MSH5: variants seen among roughly 807,000 people sequenced by gnomAD.
MSH5 encodes the protein mutS protein homolog 5.
MSH5 carries 78 observed loss-of-function variants against 107.7 expected under a neutral mutation model. The ratio of observed to expected loss-of-function variants is 0.72; its 90% CI spans 0.60 to 0.87. MSH5 has a LOEUF of 0.87. MSH5 is among the 40% of genes least tolerant of loss of function. The pLI is 0.00. For missense variants in MSH5, 889 were observed against 1,046.6 expected, an observed-to-expected ratio of 0.85 and a Z score of 2.08; for synonymous variants, 326 against 399.5, an observed-to-expected ratio of 0.82 and a Z score of 2.19.
intron 10 of MSH5, among the ~76,000 whole-genome samples, chr6:31,748,394 G>A (rs1268145143): frequency 6.8e-6 from 1 of 147,756 alleles, no homozygotes; most frequent in Non-Finnish European, 1.5e-5. Flanking sequence ...TGTTGCCCAG[G>A]CTGGAGTACA....
At chr6:31,747,134 ACTAGG>A in intron 9 of MSH5, among the ~76,000 whole-genome samples, 1 of 152,092 alleles carries the variant, frequency 6.6e-6, no homozygotes, top group East Asian at 1.9e-4. Flanking sequence ...TTGAGTTTTA[ACTAGG>A]TCTGCTTTGT....
At chr6:31,741,550 TTGTG>T (rs1808907758) in intron 3 of MSH5, among the ~76,000 whole-genome samples, 1 of 152,028 alleles carries the variant, frequency 6.6e-6, no homozygotes, top group Non-Finnish European at 1.5e-5. Context: ...AGCTAGTTTT[TTGTG>T]TGTGTTTTTA....
rs576103445 is a variant in MSH5 at position 31,740,481 on chromosome 6, A to G, written c.15A>G (p.Gly5=). Residue 5 remains glycine, a synonymous_variant, in exon 2 of 25, where the codon GGA becomes GGG. Transcript: ENST00000375750. The surrounding 1 kb of genome is among the most constrained non-coding windows in gnomAD (Gnocchi z 4.4). MASL[G]ANPRRTPQGP... Reference sequence around the variant, plus strand: ...CCTCCAAGCTCATGGCCTCCTTAGGAGCGAACCCAAGGAGGACACCGCAGG... The same window carrying G: ...CCTCCAAGCTCATGGCCTCCTTAGGGGCGAACCCAAGGAGGACACCGCAGG... 1.2e-5 allele frequency: 19 copies of G among 1,567,030 alleles called. No homozygotes were observed. In the South Asian group the frequency reaches 1.9e-4, roughly 15 times the overall value.
In MSH5 at chr6:31,740,487, C is replaced by G; in HGVS notation, c.21C>G (p.Asn7Lys). The change falls in exon 2 of 25, where the codon AAC becomes AAG. Residue 7 changes from asparagine to lysine, a missense_variant. Coordinates refer to ENST00000375750, the MANE Select transcript of MSH5 (RefSeq NM_172166.4). This position sits in a 1 kb window ranked among gnomAD's most constrained non-coding sequence, Gnocchi z 4.4. MASLGANPRRTPQGPRP... is the reference protein window; with the variant it reads MASLGAKPRRTPQGPRP... Reference sequence around the variant, plus strand: ...AGCTCATGGCCTCCTTAGGAGCGAACCCAAGGAGGACACCGCAGGGACCGA... The same window carrying G: ...AGCTCATGGCCTCCTTAGGAGCGAAGCCAAGGAGGACACCGCAGGGACCGA... 6.4e-7 allele frequency: 1 copy of G among 1,568,338 alleles called. No homozygotes were observed. Among genetic ancestry groups the G allele is most frequent in the Non-Finnish European group, 8.6e-7 (1 of 1,156,220 alleles).
At chr6:31,745,626 A>T (rs978670049) in intron 9 of MSH5, among the ~76,000 whole-genome samples, 12 of 152,150 alleles carry the variant, frequency 7.9e-5, no homozygotes, top group Admixed American at 2.6e-4. Context: ...GACCTTGTGT[A>T]TAGAGAAGAG....
Position 31,758,058 on chromosome 6 carries a change from G to T in MSH5, c.1015-107G>T. 7.2e-7 allele frequency: 1 copy of T among 1,398,504 alleles called. No individual in the cohort carries two copies. Among genetic ancestry groups the T allele is most frequent in the South Asian group, 1.2e-5 (1 of 81,556 alleles). The allele number at this position is 1,398,504 out of a possible 1,614,324, so 86.6% of individuals were successfully genotyped here. A position where few individuals can be genotyped will look rare whatever the true frequency, so the allele number is the denominator to read the frequency against. On this transcript the variant is annotated intron_variant, in intron 12 of 24. Transcript: ENST00000375750. The surrounding 1 kb of genome is among the most constrained non-coding windows in gnomAD (Gnocchi z 5.1). ...TTTGCCTTTGAGATCTTCCCTCTTT[G>T]TTACTGTGATCTTCCCTACTGGTCT...
At position 31,757,913 on chromosome 6, in the gene MSH5, A is replaced by T. The variant is rs558419062; in HGVS notation, c.1015-252A>T. 4 of 546,070 alleles carry T rather than the reference A, an allele frequency of 7.3e-6. No homozygotes were observed. In the African/African-American group the frequency reaches 7.6e-5, roughly 10 times the overall value. 33.8% of individuals were successfully genotyped at this position (546,070 alleles called of 1,614,324 possible). A position where few individuals can be genotyped will look rare whatever the true frequency, so the allele number is the denominator to read the frequency against. On this transcript the variant is annotated intron_variant, in intron 12 of 24. Coordinates refer to ENST00000375750, the MANE Select transcript of MSH5 (RefSeq NM_172166.4). ...TCGAACTCCTGACCTCAGGTGATCT[A>T]CCCACCTCAGCCTCCCAAAGTGCTG... is the stretch of plus-strand genomic sequence containing the variant.
At chr6:31,742,195 CTT>C (rs1291295265) in intron 3 of MSH5, among the ~76,000 whole-genome samples, 5 of 152,178 alleles carry the variant, frequency 3.3e-5, no homozygotes, top group Non-Finnish European at 7.4e-5. Flanking sequence ...GAGGCTCCCT[CTT>C]TTGTTTTTAT....
Position 31,762,541 on chromosome 6 carries a change from C to T in MSH5, c.*10C>T, listed in dbSNP as rs1811115546. 1 of 1,590,578 alleles carries T rather than the reference C, an allele frequency of 6.3e-7. No homozygotes were observed. The highest frequency in any genetic ancestry group is 1.7e-5 in the Admixed American group (1 of 59,924). On this transcript the variant is annotated 3_prime_UTR_variant, in exon 25 of 25. Transcript: ENST00000375750. ...CACCAGCATCCTCTGAGAGTCCTTC[C>T]AGTGTCCTCCCCAGCCTCCTGAGAC...
chr6:31,743,054 A>G, intron 4 of MSH5, 54 bp from the exon 5 acceptor site: 2 of 1,610,568 alleles, frequency 1.2e-6, no homozygotes, highest in Non-Finnish European at 1.7e-6. Context: ...TGTCAGACAG[A>G]GGTAGAAGGA....
intron 12 of MSH5, chr6:31,756,778 C>A (rs910022745): frequency 1.3e-5 from 2 of 151,830 alleles, no homozygotes; most frequent in African/African-American, 4.8e-5. Flanking sequence ...GTAGCTGGGA[C>A]TATAGGCGTG....
At position 31,741,150 on chromosome 6, in the gene MSH5, C is replaced by A. The variant is rs376732022; in HGVS notation, c.148-13C>A. 5.6e-4 allele frequency: 906 copies of A among 1,612,368 alleles called. 12 individuals are homozygous for A. In the South Asian group the frequency reaches 8.8e-3, roughly 16 times the overall value. On this transcript the variant is annotated splice_polypyrimidine_tract_variant and intron_variant, in intron 2 of 24. Transcript: ENST00000375750. ...GATTCTAATAGTGATTTCCTTTCTTCCTTGCTGGACAGATCCATCTGTGTG... is the reference window on the plus strand; with the variant it reads ...GATTCTAATAGTGATTTCCTTTCTTACTTGCTGGACAGATCCATCTGTGTG...
Position 31,747,406 on chromosome 6 carries a change from C to T in MSH5, c.786C>T (p.His262=), listed in dbSNP as rs1289541073. The part of the protein sequence containing the change: ...LSLFGILNRC[H]CKWGEKLLRL... ...TCACAGGAATCCTCAACAGATGCCA[C>T]TGTAAGTGGGGAGAGAAGCTGCTCA... The change falls in exon 10 of 25, where the codon CAC becomes CAT. Residue 262 remains histidine, a synonymous_variant. Transcript: ENST00000375750. The T allele has an allele frequency of 2.5e-6, 4 of 1,613,006 alleles. No individual in the cohort carries two copies. Among genetic ancestry groups the T allele is most frequent in the Non-Finnish European group, 3.4e-6 (4 of 1,180,044 alleles).
intron 12 of MSH5, chr6:31,754,132 C>G (rs117674365): frequency 6.8e-6 from 1 of 146,918 alleles, no homozygotes; most frequent in African/African-American, 2.6e-5. Context: ...CTTTAACTTA[C>G]GCCAATTTTT....
Position 31,760,339 on chromosome 6 carries a change from G to A in MSH5, c.1812+123G>A. On this transcript the variant is annotated intron_variant, in intron 19 of 24. Coordinates refer to ENST00000375750, the MANE Select transcript of MSH5 (RefSeq NM_172166.4). The surrounding 1 kb of genome is among the most constrained non-coding windows in gnomAD (Gnocchi z 5.6). ...TTTCTGACCCCGCTCTTCATGAAAG[G>A]ACCATCACCCACATCCCTGTGCTTC... 1 of 1,303,830 alleles carries A rather than the reference G, an allele frequency of 7.7e-7. No homozygotes were observed. The highest frequency in any genetic ancestry group is 1.0e-6 in the Non-Finnish European group (1 of 957,954). The allele number at this position is 1,303,830 out of a possible 1,614,324, so 80.8% of individuals were successfully genotyped here.
chr6:31,759,169 G>C lies in MSH5; in HGVS notation c.1399G>C (p.Asp467His). 2 of 1,612,822 alleles carry C rather than the reference G, an allele frequency of 1.2e-6. No individual in the cohort carries two copies. The highest frequency in any genetic ancestry group is 2.2e-5 in the South Asian group (2 of 91,080). ...EASDFEINGL[D>H]FMFLSEEKLH... is the part of the protein sequence containing the mutation. ...CAGTGACTTTGAGATTAATGGACTG[G>C]ACTTCATGGTAAGACCCTCAACCTC... Residue 467 changes from aspartate (D) to histidine (H), a missense_variant, in exon 16 of 25, where the codon GAC (aspartate) becomes CAC (histidine). Physicochemically the swap from Asp to His is moderately conservative, Grantham distance 81 (BLOSUM62 -1). Transcript: ENST00000375750. This position sits in a 1 kb window ranked among gnomAD's most constrained non-coding sequence, Gnocchi z 4.7.
rs1809242399 is a variant in MSH5, at chr6:31,744,600, G to T, written c.683+19G>T. 1 of 1,612,944 alleles carries T rather than the reference G, an allele frequency of 6.2e-7. No individual in the cohort carries two copies. Among genetic ancestry groups the T allele is most frequent in the Admixed American group, 1.7e-5 (1 of 60,002 alleles). On this transcript the variant is annotated intron_variant, in intron 8 of 24. Coordinates refer to ENST00000375750, the MANE Select transcript of MSH5 (RefSeq NM_172166.4). Reference sequence around the variant, plus strand: ...CTTACAGGTAAAGAGGTGGAGGCATGCTGCTGTCTCTGGGGAGGGAGAAGG... The same window carrying T: ...CTTACAGGTAAAGAGGTGGAGGCATTCTGCTGTCTCTGGGGAGGGAGAAGG...
chr6:31,750,432 G>C (rs775600811), intron 10 of MSH5, among the ~76,000 whole-genome samples: 1 of 152,198 alleles, frequency 6.6e-6, no homozygotes, highest in Non-Finnish European at 1.5e-5. Flanking sequence ...AAAGGGCACT[G>C]TCCTAGGAGT....
Position 31,758,380 on chromosome 6 carries a change from AG to A in MSH5, c.1143+89del, listed in dbSNP as rs1810646109. 1.2e-5 allele frequency: 19 copies of A among 1,584,670 alleles called. No individual in the cohort carries two copies. Among genetic ancestry groups the A allele is most frequent in the Non-Finnish European group, 1.6e-5 (18 of 1,160,318 alleles). ...AGATGGGGAAACATGGAAGATATTG[AG>A]GTCAATTGGATAAAGAATGGGATGG... On this transcript the variant is annotated intron_variant, in intron 13 of 24. Transcript: ENST00000375750. The surrounding 1 kb of genome is among the most constrained non-coding windows in gnomAD (Gnocchi z 5.1).
Sources: gnomAD v4.1 joint callset for allele counts (sites outside exome capture counted in the v4.1 genomes callset) on GRCh38, gnomAD v4.1.1 for gene constraint, Gnocchi (gnomAD v3.1) non-coding constraint, MANE v1.5 for transcripts, NCBI Gene and HGNC (gene_info 2026-07-23, HGNC 2026-07-21) for gene names.